DSCAML1: variants seen among roughly 807,000 people sequenced by gnomAD.
DSCAML1 encodes DS cell adhesion molecule like 1, also known as cell adhesion molecule DSCAML1.
A neutral mutation model predicts 200.5 loss-of-function variants in DSCAML1; 38 were observed. The ratio of observed to expected loss-of-function variants is 0.19; its 90% confidence interval spans 0.15 to 0.25. The LOEUF is 0.25. DSCAML1 is among the 10% of genes least tolerant of loss of function. DSCAML1 has a pLI of 1.00. For missense variants in DSCAML1, 2,223 were observed against 2,858.8 expected (o/e 0.78, Z 5.07); for synonymous variants, 1,215 against 1,165.0 (o/e 1.04, Z -0.87).
Position 117,471,861 on chromosome 11 carries a change from G to T in DSCAML1, c.2953+8C>A. On this transcript the variant is annotated splice_region_variant and intron_variant, in intron 15 of 32. Coordinates refer to ENST00000651296, the MANE Select transcript of DSCAML1 (RefSeq NM_020693.4). ...CCATGGGCAGGGCAGGCTGGGTGAG[G>T]TGCTCACCGGCCTCCTCAGTGCTGA... The T allele has an allele frequency of 6.3e-7, 1 of 1,599,084 alleles. No homozygotes were observed.
intron 11 of DSCAML1, among the ~76,000 whole-genome samples, chr11:117,484,042 C>G (rs2048986633): frequency 6.7e-6 from 1 of 149,740 alleles, no homozygotes; most frequent in Non-Finnish European, 1.5e-5. Flanking sequence ...CCCCTGCCCC[C>G]CGCCCCTGCC....
chr11:117,503,586 T>C lies in DSCAML1; in HGVS notation c.2359+259A>G, dbSNP rs1407917724. Among the ~76,000 whole-genome samples, 2 of 152,192 alleles carry C rather than the reference T, an allele frequency of 1.3e-5. No homozygotes were observed. Among genetic ancestry groups the C allele is most frequent in the Non-Finnish European group, 2.9e-5 (2 of 68,028 alleles). On this transcript the variant is annotated intron_variant, in intron 11 of 32. Coordinates refer to ENST00000651296, the MANE Select transcript of DSCAML1 (RefSeq NM_020693.4). This position sits in a 1 kb window ranked among gnomAD's most constrained non-coding sequence, Gnocchi z 5.2. ...AAAGTAAACAGGATGCTACGTGATATTGCAGCAGAGCAAATCATGAGCTTA... is the reference window on the plus strand; with the variant it reads ...AAAGTAAACAGGATGCTACGTGATACTGCAGCAGAGCAAATCATGAGCTTA...
At chr11:117,816,798 T>TGGGGTG (rs1555038448) in intron 1 of DSCAML1, among the ~76,000 whole-genome samples, 5 of 100,310 alleles carry the variant, frequency 5.0e-5, no homozygotes, top group African/African-American at 1.7e-4. Context: ...TCGGAATTGC[T>TGGGGTG]GGGGGGGTGG....
intron 3 of DSCAML1, among the ~76,000 whole-genome samples, chr11:117,552,421 C>T (rs1287321027): frequency 6.6e-6 from 1 of 152,128 alleles, no homozygotes; most frequent in African/African-American, 2.4e-5. Context: ...TTGACACTCA[C>T]AATCCACCCC....
intron 3 of DSCAML1, among the ~76,000 whole-genome samples, chr11:117,655,561 T>A (rs1053913011): frequency 6.6e-6 from 1 of 152,216 alleles, no homozygotes; most frequent in African/African-American, 2.4e-5. Context: ...GTGCAATCCA[T>A]ATTTCAGCCC....
intron 11 of DSCAML1, among the ~76,000 whole-genome samples, chr11:117,496,545 C>T (rs376250290): frequency 1.4e-4 from 21 of 152,238 alleles, no homozygotes; most frequent in African/African-American, 5.1e-4. Flanking sequence ...GGCACCTTCA[C>T]CTTAACTGAC....
intron 3 of DSCAML1, among the ~76,000 whole-genome samples, chr11:117,586,835 T>G (rs889245168): frequency 6.6e-6 from 1 of 152,186 alleles, no homozygotes; most frequent in Non-Finnish European, 1.5e-5. Context: ...AGGGTGTTAG[T>G]GATTGCTGAG....
intron 17 of DSCAML1, among the ~76,000 whole-genome samples, chr11:117,461,849 A>G (rs1309186656): frequency 6.6e-6 from 1 of 152,160 alleles, no homozygotes; most frequent in African/African-American, 2.4e-5. Context: ...TGGGTAGCAC[A>G]TTCCTGGTTG....
chr11:117,472,367 C>T (rs1267273478), intron 14 of DSCAML1, among the ~76,000 whole-genome samples: 1 of 152,214 alleles, frequency 6.6e-6, no homozygotes, highest in Non-Finnish European at 1.5e-5. Context: ...GGCCAGTGCC[C>T]TTCTTCCTGG....
At chr11:117,539,753 G>A (rs1028625190) in intron 3 of DSCAML1, among the ~76,000 whole-genome samples, 3 of 151,992 alleles carry the variant, frequency 2.0e-5, no homozygotes, top group Non-Finnish European at 2.9e-5. Context: ...ATTACTATAC[G>A]ATCCAGTGAT....
intron 15 of DSCAML1, 152 bp from the exon 16 acceptor site, chr11:117,470,132 C>T: frequency 1.8e-6 from 1 of 554,030 alleles, no homozygotes; most frequent in Non-Finnish European, 3.0e-6. Flanking sequence ...TGTTTGAGTT[C>T]CCCTGAAAGT....
Position 117,450,621 on chromosome 11 carries a change from G to A in DSCAML1, c.3636C>T (p.Leu1212=), listed in dbSNP as rs267602709. ...SSASSVVVSW[L]PPTKPNGVIR... ...TCACCCCGTTGGGCTTGGTAGGGGGGAGCCAAGACACAACCACACTGCTAG... is the reference window on the plus strand; with the variant it reads ...TCACCCCGTTGGGCTTGGTAGGGGGAAGCCAAGACACAACCACACTGCTAG... Residue 1212 remains leucine, a synonymous_variant, in exon 20 of 33, where the codon CTC becomes CTT. Transcript: ENST00000651296. 14 of 1,614,216 alleles carry A rather than the reference G, an allele frequency of 8.7e-6. No individual in the cohort carries two copies. In the South Asian group the frequency reaches 1.5e-4, roughly 18 times the overall value.
chr11:117,614,569 C>T (rs912523453), intron 3 of DSCAML1, among the ~76,000 whole-genome samples: 3 of 152,172 alleles, frequency 2.0e-5, no homozygotes, highest in African/African-American at 4.8e-5. Context: ...GTTGTTGATT[C>T]TTTAAAACAA....
At chr11:117,569,727 C>T (rs2050814982) in intron 3 of DSCAML1, among the ~76,000 whole-genome samples, 1 of 152,186 alleles carries the variant, frequency 6.6e-6, no homozygotes, top group Admixed American at 6.5e-5. Context: ...GCCAGGTAGG[C>T]TTGTGAATGC....
intron 3 of DSCAML1, among the ~76,000 whole-genome samples, chr11:117,714,281 C>G (rs900476215): frequency 1.3e-5 from 2 of 152,168 alleles, no homozygotes; most frequent in African/African-American, 4.8e-5. Flanking sequence ...TTCTTTGTCC[C>G]TTTTCTGAAA....
At chr11:117,528,459 A>G (rs557266700) in intron 4 of DSCAML1, among the ~76,000 whole-genome samples, 47 of 152,302 alleles carry the variant, frequency 3.1e-4, no homozygotes, top group African/African-American at 1.1e-3. Context: ...GGGTGCTCCT[A>G]GCACTGAAGC....
chr11:117,795,777 T>TCCAGACC (rs1199400635), intron 1 of DSCAML1, among the ~76,000 whole-genome samples: 1 of 152,042 alleles, frequency 6.6e-6, no homozygotes, highest in Admixed American at 6.5e-5. Context: ...GGCTGCAGAC[T>TCCAGACC]CCAGACCCCT....
intron 17 of DSCAML1, among the ~76,000 whole-genome samples, chr11:117,464,051 T>C (rs2048531904): frequency 6.6e-6 from 1 of 152,178 alleles, no homozygotes; most frequent in South Asian, 2.1e-4. Context: ...GGAATAGCTT[T>C]CTGATGGTGA....
chr11:117,690,682 C>T (rs1254057947), intron 3 of DSCAML1, among the ~76,000 whole-genome samples: 2 of 152,236 alleles, frequency 1.3e-5, no homozygotes, highest in Non-Finnish European at 2.9e-5. Context: ...CTCACCCCTC[C>T]CTGGAAGGCA....
Sources: allele counts gnomAD v4.1 joint callset (sites outside exome capture counted in the v4.1 genomes callset), GRCh38; gene constraint gnomAD v4.1.1; non-coding constraint Gnocchi (gnomAD v3.1); transcripts MANE v1.5; gene names NCBI Gene and HGNC (gene_info 2026-07-23, HGNC 2026-07-21).